BMPR1B: variants seen among roughly 807,000 people sequenced by gnomAD.
The protein encoded by BMPR1B is bone morphogenetic protein receptor type-1B.
A neutral mutation model predicts 59.1 loss-of-function variants in BMPR1B; 12 were observed. That is an observed-to-expected ratio of 0.20 (90% CI 0.13 to 0.33). BMPR1B has a LOEUF of 0.33. Ranked by LOEUF, BMPR1B falls within the 10% of genes least tolerant of loss-of-function variation. The probability of loss-of-function intolerance (pLI) is 1.00; values close to 1 mark genes in which losing one functional copy is unlikely to be tolerated. For synonymous variants in BMPR1B, 237 were observed against 207.3 expected, an observed-to-expected ratio of 1.14 and a Z score of -1.23; for missense variants, 550 against 610.9, an observed-to-expected ratio of 0.90 and a Z score of 1.05.
At chr4:94,873,301 T>C (rs1367496386) in intron 1 of BMPR1B, among the ~76,000 whole-genome samples, 3 of 152,242 alleles carry the variant, frequency 2.0e-5, no homozygotes, top group South Asian at 2.1e-4. Flanking sequence ...TTTTGCTTTT[T>C]TTCCTTCATC....
chr4:95,016,256 AT>A (rs957537911), intron 3 of BMPR1B, among the ~76,000 whole-genome samples: 20 of 150,018 alleles, frequency 1.3e-4, no homozygotes, highest in South Asian at 8.4e-4. Flanking sequence ...TACAAGTGTG[AT>A]TTTTTTTTTG....
chr4:95,065,704 A>G (rs1727747108), intron 3 of BMPR1B, among the ~76,000 whole-genome samples: 1 of 152,140 alleles, frequency 6.6e-6, no homozygotes, highest in Admixed American at 6.6e-5. Flanking sequence ...TAAGTACATT[A>G]TCCCTCCTCC....
At chr4:95,115,942 A>T (rs1014671522) in intron 6 of BMPR1B, among the ~76,000 whole-genome samples, 155 bp downstream of exon 6, 2 of 152,228 alleles carry the variant, frequency 1.3e-5, no homozygotes, top group Non-Finnish European at 1.5e-5. Context: ...ATTCGAAGAC[A>T]TGTGCAAGTA....
intron 1 of BMPR1B, among the ~76,000 whole-genome samples, chr4:94,759,206 T>C (rs1374220459): frequency 1.3e-5 from 2 of 152,200 alleles, no homozygotes; most frequent in African/African-American, 2.4e-5. Flanking sequence ...TAGCCACCTT[T>C]CCAGCAAGGT....
intron 1 of BMPR1B, among the ~76,000 whole-genome samples, chr4:94,814,922 A>G (rs1289388827): frequency 6.6e-6 from 1 of 151,160 alleles, no homozygotes; most frequent in East Asian, 1.9e-4. Flanking sequence ...TTTTTTTTTG[A>G]GAAGGAATTT....
chr4:94,854,551 A>G (rs993541591), intron 1 of BMPR1B, among the ~76,000 whole-genome samples: 1 of 152,216 alleles, frequency 6.6e-6, no homozygotes, highest in African/African-American at 2.4e-5. Context: ...GGAATTCAGT[A>G]TGTATTTAAA....
intron 2 of BMPR1B, among the ~76,000 whole-genome samples, chr4:94,976,351 G>A (rs1170337491): frequency 1.3e-5 from 2 of 152,338 alleles, no homozygotes; most frequent in East Asian, 3.9e-4. Context: ...AATTCAAGGT[G>A]AGGTAATATA....
chr4:95,103,436 A>G (rs1560655087), intron 3 of BMPR1B: 14 of 985,062 alleles, frequency 1.4e-5, no homozygotes, highest in Non-Finnish European at 1.7e-5. Flanking sequence ...GAGATTTTAA[A>G]TTGAAAACTG....
chr4:95,069,161 G>C (rs1728083054), intron 3 of BMPR1B, among the ~76,000 whole-genome samples: 2 of 152,236 alleles, frequency 1.3e-5, no homozygotes, highest in African/African-American at 4.8e-5. Context: ...TCTTGAATCT[G>C]ACCACTTCTC....
intron 1 of BMPR1B, among the ~76,000 whole-genome samples, chr4:94,850,393 C>G (rs548138098): frequency 6.6e-6 from 1 of 152,172 alleles, no homozygotes; most frequent in Admixed American, 6.5e-5. Context: ...GTTAAACAAA[C>G]TCTAGTGGCA....
At chr4:95,062,473 A>T (rs925304492) in intron 3 of BMPR1B, among the ~76,000 whole-genome samples, 10 of 152,210 alleles carry the variant, frequency 6.6e-5, no homozygotes, top group Admixed American at 4.6e-4. Context: ...GACAAAGTAG[A>T]GGAACACATT....
chr4:94,964,645 C>A (rs1409245157), intron 2 of BMPR1B, among the ~76,000 whole-genome samples: 1 of 152,172 alleles, frequency 6.6e-6, no homozygotes, highest in African/African-American at 2.4e-5. Flanking sequence ...ATTTCTCCTT[C>A]TAAGTCTCCA....
At chr4:95,107,736 G>A (rs149584038) in intron 4 of BMPR1B, among the ~76,000 whole-genome samples, 313 of 152,126 alleles carry the variant, frequency 2.1e-3, no homozygotes, top group Admixed American at 6.1e-3. Context: ...AATTGTGGCC[G>A]GGACTCCAAA....
chr4:94,870,598 A>G (rs1437995535), intron 1 of BMPR1B, among the ~76,000 whole-genome samples: 1 of 152,214 alleles, frequency 6.6e-6, no homozygotes, highest in Non-Finnish European at 1.5e-5. Context: ...GGGAATAATA[A>G]TAAATGATTT....
intron 3 of BMPR1B, among the ~76,000 whole-genome samples, chr4:95,046,917 C>G (rs533154414): frequency 6.6e-6 from 1 of 152,168 alleles, no homozygotes; most frequent in Non-Finnish European, 1.5e-5. Context: ...TCTATTGGAG[C>G]AGTTAAGTGA....
intron 1 of BMPR1B, among the ~76,000 whole-genome samples, chr4:94,874,934 A>G (rs1726658478): frequency 6.6e-6 from 1 of 152,170 alleles, no homozygotes; most frequent in Non-Finnish European, 1.5e-5. Context: ...CAGAGCTTGC[A>G]GTGAGCCGAG....
chr4:94,962,068 T>TCCTTCCTTCC (rs1560569088), intron 2 of BMPR1B, among the ~76,000 whole-genome samples: 50 of 126,932 alleles, frequency 3.9e-4, no homozygotes, highest in African/African-American at 1.2e-3. Flanking sequence ...TTTTCTTTCT[T>TCCTTCCTTCC]TTCTTTCCTT....
intron 1 of BMPR1B, among the ~76,000 whole-genome samples, chr4:94,793,025 T>G (rs941475541): frequency 6.6e-6 from 1 of 152,076 alleles, no homozygotes; most frequent in African/African-American, 2.4e-5. Flanking sequence ...TTTTTTTTTA[T>G]TATTATTATA....
At chr4:94,826,278 T>G (rs1724378601) in intron 1 of BMPR1B, among the ~76,000 whole-genome samples, 2 of 152,212 alleles carry the variant, frequency 1.3e-5, no homozygotes, top group South Asian at 4.1e-4. Flanking sequence ...TGAAGAATAT[T>G]AAGGTTCAGA....
Sources: gnomAD v4.1 joint callset for allele counts (sites outside exome capture counted in the v4.1 genomes callset) on GRCh38, gnomAD v4.1.1 for gene constraint, MANE v1.5 for transcripts, NCBI Gene and HGNC (gene_info 2026-07-23, HGNC 2026-07-21) for gene names.